KIF4A: variants seen among roughly 807,000 people sequenced by gnomAD.
KIF4A encodes kinesin family member 4A, also known as chromosome-associated kinesin KIF4A.
In KIF4A, 7 loss-of-function variants were observed where a neutral mutation model predicts 105.9. That is an observed-to-expected ratio of 0.07 (90% CI 0.04 to 0.12). The LOEUF (loss-of-function observed/expected upper bound fraction) is 0.12, where lower values mean the gene tolerates loss of function less well. Among genes scored for constraint, KIF4A ranks in the 10% least tolerant of loss-of-function variants. The pLI, the probability that KIF4A is intolerant of heterozygous loss-of-function variation, is 1.00. For synonymous variants in KIF4A, 281 were observed against 331.3 expected (o/e 0.85, Z 1.65); for missense variants, 558 against 929.2 (o/e 0.60, Z 5.19).
chrX:70,383,155 C>G (rs1407262505), intron 18 of KIF4A, among the ~76,000 whole-genome samples: 2 of 105,969 alleles, frequency 1.9e-5, no homozygotes, highest in African/African-American at 3.5e-5. Context: ...CCATTGCACT[C>G]CAGCCTGGGC....
intron 28 of KIF4A, among the ~76,000 whole-genome samples, chrX:70,416,026 CCTGG>C (rs2086342704): frequency 9.2e-6 from 1 of 108,846 alleles, no homozygotes; most frequent in African/African-American, 3.4e-5. Flanking sequence ...CGCTATGATG[CCTGG>C]CTAATTTTGT....
chrX:70,370,146 G>A (rs903838438), intron 15 of KIF4A, among the ~76,000 whole-genome samples: 6 of 111,232 alleles, frequency 5.4e-5, no homozygotes, highest in Admixed American at 3.9e-4. Flanking sequence ...TTGTATAAGT[G>A]CACACTATCA....
chrX:70,310,692 G>A (rs747658896), intron 7 of KIF4A, among the ~76,000 whole-genome samples: 1 of 111,371 alleles, frequency 9.0e-6, no homozygotes, highest in East Asian at 2.8e-4. Flanking sequence ...CCCCAGCAGT[G>A]TATGAGAGTT....
At chrX:70,342,907 C>T (rs1417542385) in intron 11 of KIF4A, among the ~76,000 whole-genome samples, 2 of 112,486 alleles carry the variant, frequency 1.8e-5, no homozygotes, top group African/African-American at 6.5e-5. Flanking sequence ...AAGGTTGTTA[C>T]AGTGTCTGCC....
At chrX:70,373,021 A>G (rs765100132) in intron 15 of KIF4A, among the ~76,000 whole-genome samples, 1 of 112,274 alleles carries the variant, frequency 8.9e-6, no homozygotes, top group African/African-American at 3.2e-5. Context: ...CTATAATCCT[A>G]GCACTTTAAG....
chrX:70,391,491 A>G (rs1047520621), intron 20 of KIF4A, among the ~76,000 whole-genome samples: 4 of 111,948 alleles, frequency 3.6e-5, no homozygotes, highest in Non-Finnish European at 7.5e-5. Context: ...TCAGTCTTTC[A>G]CCATTAAGTA....
At chrX:70,308,827 C>G (rs1401019709) in intron 7 of KIF4A, among the ~76,000 whole-genome samples, 1 of 112,049 alleles carries the variant, frequency 8.9e-6, no homozygotes, top group Non-Finnish European at 1.9e-5. Context: ...CCAGGCTGGT[C>G]TCGAACTCCT....
chrX:70,375,408 T>C, intron 17 of KIF4A, 60 bp downstream of exon 17: 1 of 1,091,599 alleles, frequency 9.2e-7, no homozygotes, highest in Admixed American at 2.3e-5. Flanking sequence ...AGGTATTCCA[T>C]TTAGAAATAT....
intron 13 of KIF4A, among the ~76,000 whole-genome samples, chrX:70,349,650 G>A (rs1168051396): frequency 4.2e-5 from 4 of 94,494 alleles, no homozygotes; most frequent in Admixed American, 3.4e-4. Flanking sequence ...CTTCCCAGAC[G>A]GGGTGGCGGC....
At chrX:70,330,090 C>T (rs1203647346) in intron 8 of KIF4A, 67 bp from the exon 9 acceptor site, 6 of 970,802 alleles carry the variant, frequency 6.2e-6, no homozygotes, top group East Asian at 3.2e-5. Flanking sequence ...CCCGAATGGA[C>T]GGCTTTGCTT....
chrX:70,390,490 T>A (rs946542941), intron 20 of KIF4A, among the ~76,000 whole-genome samples: 4 of 111,709 alleles, frequency 3.6e-5, no homozygotes, highest in African/African-American at 1.3e-4. Context: ...GCGAAGTTTT[T>A]ATTACAAATT....
chrX:70,376,738 G>A (rs1292629408), intron 18 of KIF4A, among the ~76,000 whole-genome samples: 1 of 112,197 alleles, frequency 8.9e-6, no homozygotes, highest in African/African-American at 3.2e-5. Context: ...CATTCCATTG[G>A]AAAGGCAAGT....
At chrX:70,316,205 A>C (rs1289829756) in intron 7 of KIF4A, among the ~76,000 whole-genome samples, 4 of 112,316 alleles carry the variant, frequency 3.6e-5, no homozygotes, top group Non-Finnish European at 5.6e-5. Context: ...TCATTTTCCT[A>C]AATTCTCTAC....
At chrX:70,384,120 C>G (rs1480544573) in intron 18 of KIF4A, among the ~76,000 whole-genome samples, 2 of 111,833 alleles carry the variant, frequency 1.8e-5, no homozygotes, top group Non-Finnish European at 3.8e-5. Context: ...GTGATGACAA[C>G]TTTACATTCT....
intron 15 of KIF4A, among the ~76,000 whole-genome samples, chrX:70,363,255 T>A (rs1977365): frequency 0.39 from 41,853 of 107,943 alleles, 7,003 homozygotes; most frequent in Non-Finnish European, 0.52. Flanking sequence ...TTTTTTTTTT[T>A]AATTATACTG....
intron 15 of KIF4A, among the ~76,000 whole-genome samples, chrX:70,364,961 C>T (rs1349077310): frequency 9.0e-6 from 1 of 111,207 alleles, no homozygotes; most frequent in Non-Finnish European, 1.9e-5. Flanking sequence ...CCTTCACATC[C>T]CTTGTAAGTT....
rs183351324 is a variant in KIF4A, at chrX:70,386,662, C to G, written c.2079C>G (p.Phe693Leu). Reference sequence around the variant, plus strand: ...AGCTGCTGAAACTTGAAAGAAACTTCCAGAAACAATCCAATGTGCTCAGAC... The same window carrying G: ...AGCTGCTGAAACTTGAAAGAAACTTGCAGAAACAATCCAATGTGCTCAGAC... ...QYELLKLERN[F>L]QKQSNVLRRK... The change falls in exon 19 of 31, where the codon TTC becomes TTG. Residue 693 changes from phenylalanine to leucine, a missense_variant. By Grantham distance (22) the Phe-to-Leu change is conservative. Around this residue, in one of 2 missense-constraint regions of KIF4A, gnomAD observed 469 missense variants for 680.4 expected, o/e 0.69. Transcript: ENST00000374403. The G allele has an allele frequency of 7.4e-6, 9 of 1,209,712 alleles. No homozygotes were observed. Among genetic ancestry groups the G allele is most frequent in the Non-Finnish European group, 9.0e-6 (8 of 893,714 alleles).
intron 7 of KIF4A, among the ~76,000 whole-genome samples, chrX:70,315,271 T>C (rs939447416): frequency 3.6e-5 from 4 of 111,977 alleles, no homozygotes; most frequent in Non-Finnish European, 7.5e-5. Context: ...TTTATTCCTT[T>C]ATTTAATTCT....
intron 18 of KIF4A, among the ~76,000 whole-genome samples, chrX:70,380,033 T>C (rs1378655476): frequency 8.9e-6 from 1 of 111,834 alleles, no homozygotes; most frequent in Non-Finnish European, 1.9e-5. Context: ...CTGGGCGTGG[T>C]GACTCACACC....
Sources: gnomAD v4.1 joint callset for allele counts (sites outside exome capture counted in the v4.1 genomes callset) on GRCh38, gnomAD v4.1.1 for gene constraint, gnomAD v4.1.1 regional missense constraint, MANE v1.5 for transcripts, NCBI Gene and HGNC (gene_info 2026-07-23, HGNC 2026-07-21) for gene names.